Variants in CNTN5 observed in about 807,000 individuals in gnomAD.
CNTN5 encodes contactin 5, also known as contactin-5.
In CNTN5, 77 loss-of-function variants were observed where a neutral mutation model predicts 129.1. The observed-to-expected ratio is 0.60, with a 90% confidence interval of 0.50 to 0.72. CNTN5 has a LOEUF of 0.72. Among genes scored for constraint, CNTN5 ranks in the 30% least tolerant of loss-of-function variants. The pLI is 0.00. For missense variants in CNTN5, 1,478 were observed against 1,328.8 expected (o/e 1.11, Z -1.75); for synonymous variants, 509 against 465.6 (o/e 1.09, Z -1.20).
intron 12 of CNTN5, among the ~76,000 whole-genome samples, chr11:100,072,395 G>C (rs1943954796): frequency 6.6e-6 from 1 of 152,164 alleles, no homozygotes. Context: ...ATGTAACCCA[G>C]GCACTGCATT....
intron 1 of CNTN5, among the ~76,000 whole-genome samples, chr11:99,070,016 C>T (rs1275476764): frequency 6.6e-6 from 1 of 152,172 alleles, no homozygotes; most frequent in Non-Finnish European, 1.5e-5. Context: ...GCCAGCCACA[C>T]TGGTTTCTCT....
chr11:100,030,391 G>T (rs554218612), intron 9 of CNTN5, among the ~76,000 whole-genome samples: 38 of 152,182 alleles, frequency 2.5e-4, no homozygotes, highest in Admixed American at 1.8e-3. Context: ...ATAAATAAAT[G>T]CAGTGACTGT....
chr11:100,012,802 C>T (rs988063140), intron 9 of CNTN5, among the ~76,000 whole-genome samples: 11 of 152,086 alleles, frequency 7.2e-5, no homozygotes, highest in Non-Finnish European at 1.5e-4. Flanking sequence ...TCTTAATAGG[C>T]AAGACAAGTT....
At chr11:100,101,792 C>T (rs988782128) in intron 13 of CNTN5, among the ~76,000 whole-genome samples, 2 of 152,052 alleles carry the variant, frequency 1.3e-5, no homozygotes, top group African/African-American at 2.4e-5. Flanking sequence ...TTTGCATCCT[C>T]GTAGCTTAGC....
chr11:99,366,271 C>T (rs1002085949), intron 2 of CNTN5, among the ~76,000 whole-genome samples: 5 of 135,694 alleles, frequency 3.7e-5, no homozygotes, highest in Admixed American at 9.4e-5. Flanking sequence ...ATGTGGTTAA[C>T]GATTTTGCTA....
intron 3 of CNTN5, among the ~76,000 whole-genome samples, chr11:99,795,075 G>A (rs7128066): frequency 0.015 from 2,216 of 152,138 alleles, 55 homozygotes; most frequent in African/African-American, 0.049. Context: ...TCATAGATTT[G>A]CTTTCTATAC....
intron 1 of CNTN5, among the ~76,000 whole-genome samples, chr11:99,303,261 T>C (rs1389771297): frequency 3.9e-5 from 6 of 152,006 alleles, no homozygotes; most frequent in Non-Finnish European, 7.4e-5. Flanking sequence ...ACTATATGCA[T>C]ATGTTGAAAT....
chr11:99,480,669 T>G (rs926670519), intron 2 of CNTN5, among the ~76,000 whole-genome samples: 1 of 152,210 alleles, frequency 6.6e-6, no homozygotes, highest in Non-Finnish European at 1.5e-5. Context: ...ATGTAACTTC[T>G]GTTACTATTG....
At chr11:99,162,769 G>A (rs1184435482) in intron 1 of CNTN5, among the ~76,000 whole-genome samples, 1 of 152,076 alleles carries the variant, frequency 6.6e-6, no homozygotes, top group East Asian at 1.9e-4. Flanking sequence ...ATACTCTCTA[G>A]CCCCACTCAT....
chr11:99,499,958 G>A (rs898644522), intron 2 of CNTN5, among the ~76,000 whole-genome samples: 2 of 151,998 alleles, frequency 1.3e-5, no homozygotes, highest in Admixed American at 6.6e-5. Context: ...CTACTATTCT[G>A]TATCATGTGC....
chr11:99,764,117 A>G (rs1944675828), intron 3 of CNTN5, among the ~76,000 whole-genome samples: 1 of 152,146 alleles, frequency 6.6e-6, no homozygotes, highest in Admixed American at 6.6e-5. Flanking sequence ...GTGATAGTAT[A>G]TATGATTTTA....
intron 2 of CNTN5, among the ~76,000 whole-genome samples, chr11:99,506,426 G>A (rs889919045): frequency 5.9e-5 from 9 of 151,856 alleles, no homozygotes; most frequent in Non-Finnish European, 1.2e-4. Context: ...TTTTTTAAAC[G>A]AAGGCAGGTT....
Position 99,897,321 on chromosome 11 carries a change from A to G in CNTN5, c.578-18733A>G, listed in dbSNP as rs375383087. Among the ~76,000 whole-genome samples the G allele has an allele frequency of 1.1e-4, 16 of 152,276 alleles. 1 individual carries two copies. In the South Asian group the frequency reaches 3.3e-3, roughly 32 times the overall value. On this transcript the variant is annotated intron_variant, in intron 6 of 24. Coordinates refer to ENST00000524871, the MANE Select transcript of CNTN5 (RefSeq NM_014361.4). The stretch of plus-strand genomic sequence containing the variant: ...GAACACCTATGAGATAATATACAAG[A>G]TAAACATTACTGAGGCATTTGGTTA...
Position 99,138,038 on chromosome 11 carries a change from T to C in CNTN5, c.-210+116768T>C, listed in dbSNP as rs189110755. On this transcript the variant is annotated intron_variant, in intron 1 of 24. Transcript: ENST00000524871. Reference sequence around the variant, plus strand: ...ATTAGAGTTAACAATTTTTCACTTTTGAGCTAGCAAAAGTTTTTAGCTGAT... The same window carrying C: ...ATTAGAGTTAACAATTTTTCACTTTCGAGCTAGCAAAAGTTTTTAGCTGAT... Among the ~76,000 whole-genome samples, 296 of 152,326 alleles carry C rather than the reference T, an allele frequency of 1.9e-3. 6 individuals carry two copies. The highest frequency in any genetic ancestry group is 0.019 in the Admixed American group (293 of 15,294).
intron 3 of CNTN5, among the ~76,000 whole-genome samples, chr11:99,707,644 G>A (rs573702260): frequency 6.6e-6 from 1 of 151,724 alleles, no homozygotes; most frequent in South Asian, 2.1e-4. Flanking sequence ...ATTTGGCTTT[G>A]TTGTCTTCAA....
intron 3 of CNTN5, among the ~76,000 whole-genome samples, chr11:99,640,077 C>G (rs987649982): frequency 2.7e-4 from 41 of 152,110 alleles, no homozygotes; most frequent in African/African-American, 9.9e-4. Context: ...TTTTATTGTT[C>G]ATATTACTAT....
chr11:100,258,359 A>T (rs1591444723), intron 17 of CNTN5, among the ~76,000 whole-genome samples: 2 of 152,178 alleles, frequency 1.3e-5, no homozygotes, highest in East Asian at 3.8e-4. Flanking sequence ...GTTGTAAAAC[A>T]CTCTTAGGGA....
intron 3 of CNTN5, among the ~76,000 whole-genome samples, chr11:99,770,534 AT>A: frequency 6.6e-6 from 1 of 152,154 alleles, no homozygotes; most frequent in Admixed American, 6.6e-5. Context: ...GTTTTTCTCA[AT>A]TGCTTAACAC....
intron 6 of CNTN5, among the ~76,000 whole-genome samples, chr11:99,907,574 A>G (rs1322409900): frequency 6.6e-6 from 1 of 151,780 alleles, no homozygotes; most frequent in Admixed American, 6.6e-5. Context: ...ATTATTAAAA[A>G]TATTTTTACT....
Sources: gnomAD v4.1 joint callset for allele counts (sites outside exome capture counted in the v4.1 genomes callset) on GRCh38, gnomAD v4.1.1 for gene constraint, MANE v1.5 for transcripts, NCBI Gene and HGNC (gene_info 2026-07-23, HGNC 2026-07-21) for gene names.